Variants in PLEKHD1 observed in about 807,000 individuals in gnomAD.
PLEKHD1 encodes the protein pleckstrin homology domain-containing family D member 1.
PLEKHD1 carries 51 observed loss-of-function variants against 69.2 expected under a neutral mutation model. That is an observed-to-expected ratio of 0.74 (90% CI 0.59 to 0.93). PLEKHD1 has a LOEUF of 0.93. PLEKHD1 is among the 40% of genes least tolerant of loss of function. PLEKHD1 has a pLI of 0.00. For synonymous variants in PLEKHD1, 236 were observed against 244.7 expected (o/e 0.96, Z 0.33); for missense variants, 584 against 641.0 (o/e 0.91, Z 0.96).
intron 6 of PLEKHD1, among the ~76,000 whole-genome samples, chr14:69,521,022 C>T (rs1255311059): frequency 6.6e-6 from 1 of 152,212 alleles, no homozygotes; most frequent in Non-Finnish European, 1.5e-5. Context: ...GTCCCAGCTA[C>T]TCAGGAGGCT....
intron 12 of PLEKHD1, 23 bp downstream of exon 12, chr14:69,527,955 C>T (rs1290857095): frequency 1.9e-6 from 3 of 1,550,932 alleles, no homozygotes; most frequent in Admixed American, 2.0e-5. Context: ...GTCTGCGTGC[C>T]CTGGTGGGAT....
chr14:69,526,072 C>G lies in PLEKHD1; in HGVS notation c.873C>G (p.Ile291Met), dbSNP rs1007478535. 2 of 1,551,472 alleles carry G rather than the reference C, an allele frequency of 1.3e-6. No individual in the cohort carries two copies. Among genetic ancestry groups the G allele is most frequent in the Non-Finnish European group, 1.7e-6 (2 of 1,146,974 alleles). ...SGGLHSNLRQ[I>M]EEKMQQLLEE... ...GCCTCCATAGCAACCTCCGGCAGAT[C>G]GAGGAGAAGATGCAGCAGCTCTTAG... Residue 291 changes from isoleucine (I) to methionine (M), a missense_variant, in exon 9 of 13, where the codon ATC becomes ATG. Transcript: ENST00000322564.
intron 6 of PLEKHD1, among the ~76,000 whole-genome samples, chr14:69,518,869 TGA>T (rs1256704185): frequency 6.6e-6 from 1 of 152,094 alleles, no homozygotes; most frequent in Non-Finnish European, 1.5e-5. Flanking sequence ...TAGGTGTGCT[TGA>T]GCAGCCCAGA....
chr14:69,504,507 A>T (rs1296358352), intron 6 of PLEKHD1, among the ~76,000 whole-genome samples: 1 of 150,440 alleles, frequency 6.6e-6, no homozygotes, highest in Non-Finnish European at 1.5e-5. Context: ...GGCCTGGCAC[A>T]GCTCCTGGCC....
chr14:69,490,413 G>A (rs1882752512), intron 1 of PLEKHD1, among the ~76,000 whole-genome samples: 2 of 152,210 alleles, frequency 1.3e-5, no homozygotes, highest in South Asian at 4.1e-4. Flanking sequence ...CAGCCACGGG[G>A]AGAAGCTGTA....
intron 6 of PLEKHD1, among the ~76,000 whole-genome samples, chr14:69,511,657 C>T (rs1421456134): frequency 6.6e-6 from 1 of 152,082 alleles, no homozygotes; most frequent in East Asian, 1.9e-4. Flanking sequence ...TCAAGGGATC[C>T]TCGTGCCTTA....
intron 1 of PLEKHD1, among the ~76,000 whole-genome samples, chr14:69,496,428 C>T (rs1393960401): frequency 6.6e-6 from 1 of 152,220 alleles, no homozygotes; most frequent in African/African-American, 2.4e-5. Flanking sequence ...CCCACATGGT[C>T]AGGTTCTGAT....
At chr14:69,471,308 C>T in the PLEKHD1 span, among the ~76,000 whole-genome samples, 1 of 151,494 alleles carries the variant, frequency 6.6e-6, no homozygotes, top group Non-Finnish European at 1.5e-5. Flanking sequence ...ATGGGGTCTC[C>T]CTATGTCGCC....
intron 1 of PLEKHD1, among the ~76,000 whole-genome samples, chr14:69,493,794 C>T (rs1882827776): frequency 6.6e-6 from 1 of 152,218 alleles, no homozygotes; most frequent in African/African-American, 2.4e-5. Context: ...AGAGAGACAG[C>T]CAGCGTTGAC....
At position 69,501,628 on chromosome 14, in the gene PLEKHD1, G is replaced by A. The variant is rs1161400079; in HGVS notation, c.411-106G>A. On this transcript the variant is annotated intron_variant, in intron 4 of 12. Coordinates refer to ENST00000322564, the MANE Select transcript of PLEKHD1 (RefSeq NM_001161498.2). ...TTGAGATTCTGGAGGAGAAAGGGTG[G>A]GCGAGTACAAAACGTATGCCTTCTC... The A allele has an allele frequency of 4.9e-6, 4 of 810,576 alleles. No homozygotes were observed. In the East Asian group the frequency reaches 1.1e-4, roughly 23 times the overall value. 50.2% of individuals were successfully genotyped at this position (810,576 alleles called of 1,614,324 possible).
Position 69,531,286 on chromosome 14 carries a change from C to T in PLEKHD1, c.*2867C>T, listed in dbSNP as rs914961332. 2.0e-5 allele frequency: 3 copies of T among 152,240 alleles called. No individual in the cohort carries two copies. The highest frequency in any genetic ancestry group is 1.3e-4 in the Admixed American group (2 of 15,270). 9.4% of individuals were successfully genotyped at this position (152,240 alleles called of 1,614,324 possible). On this transcript the variant is annotated 3_prime_UTR_variant, in exon 13 of 13. Coordinates refer to ENST00000322564, the MANE Select transcript of PLEKHD1 (RefSeq NM_001161498.2). The stretch of plus-strand genomic sequence containing the variant: ...TGCTTTTCCATGCACATTTACCAAT[C>T]GATACTTCCTCCTATTCTCACCCTG...
chr14:69,490,230 AT>A (rs920103956), intron 1 of PLEKHD1, among the ~76,000 whole-genome samples: 1 of 151,976 alleles, frequency 6.6e-6, no homozygotes, highest in South Asian at 2.1e-4. Context: ...ATGGAAGACA[AT>A]TTTTCCAAGG....
intron 6 of PLEKHD1, among the ~76,000 whole-genome samples, chr14:69,520,204 G>T (rs1883482081): frequency 6.8e-6 from 1 of 146,664 alleles, no homozygotes; most frequent in Admixed American, 6.8e-5. Flanking sequence ...AAAGAGCTGG[G>T]CACCTTTGTT....
At chr14:69,514,906 T>G (rs1883349595) in intron 6 of PLEKHD1, among the ~76,000 whole-genome samples, 1 of 152,082 alleles carries the variant, frequency 6.6e-6, no homozygotes, top group Non-Finnish European at 1.5e-5. Context: ...ATGGCAGGCT[T>G]TGTAAAGAAG....
chr14:69,502,920 T>C, intron 6 of PLEKHD1, 41 bp downstream of exon 6: 1 of 1,548,302 alleles, frequency 6.5e-7, no homozygotes, highest in Non-Finnish European at 8.7e-7. Context: ...CGTGGTGTAA[T>C]GGCTCACGTT....
chr14:69,521,683 C>CT (rs1411805875), intron 6 of PLEKHD1, among the ~76,000 whole-genome samples: 2 of 152,184 alleles, frequency 1.3e-5, no homozygotes, highest in African/African-American at 4.8e-5. Context: ...CCTGGGATTC[C>CT]TGAAGGGGCA....
At chr14:69,510,708 T>G (rs1883252003) in intron 6 of PLEKHD1, among the ~76,000 whole-genome samples, 2 of 152,214 alleles carry the variant, frequency 1.3e-5, no homozygotes, top group African/African-American at 4.8e-5. Context: ...ACAGAGACAG[T>G]ATTATTTCTT....
intron 7 of PLEKHD1, among the ~76,000 whole-genome samples, chr14:69,523,133 A>G (rs771924282): frequency 3.9e-5 from 6 of 152,128 alleles, no homozygotes; most frequent in Non-Finnish European, 8.8e-5. Context: ...GGGTTTTGCC[A>G]TGTTGGCCAG....
chr14:69,512,132 C>T (rs1883284554), intron 6 of PLEKHD1, among the ~76,000 whole-genome samples: 1 of 152,168 alleles, frequency 6.6e-6, no homozygotes, highest in African/African-American at 2.4e-5. Context: ...CAGATTGTAT[C>T]TTTCAAGGAG....
Sources: allele counts gnomAD v4.1 joint callset (sites outside exome capture counted in the v4.1 genomes callset), GRCh38; gene constraint gnomAD v4.1.1; transcripts MANE v1.5; gene names NCBI Gene and HGNC (gene_info 2026-07-23, HGNC 2026-07-21).